APOL3: variants seen among roughly 807,000 people sequenced by gnomAD.
APOL3 encodes the protein apolipoprotein L3.
APOL3 carries 14 observed loss-of-function variants against 11.6 expected under a neutral mutation model. That is an observed-to-expected ratio of 1.21 (90% CI 0.80 to 1.89). The LOEUF is 1.89. APOL3 is among the 40% of genes most tolerant of loss of function. The probability of loss-of-function intolerance (pLI) is 0.00; values close to 1 mark genes in which losing one functional copy is unlikely to be tolerated. For synonymous variants in APOL3, 192 were observed against 190.6 expected (o/e 1.01, Z -0.06); for missense variants, 483 against 492.1 (o/e 0.98, Z 0.17).
At chr22:36,145,741 T>C (rs1282115115) in intron 1 of APOL3, 142 bp from the exon 3 acceptor site, 4 of 971,712 alleles carry the variant, frequency 4.1e-6, no homozygotes, top group African/African-American at 1.6e-5. Flanking sequence ...TGCTATAGAC[T>C]GAGTTGTGTG....
At chr22:36,147,918 C>A (rs370510362) in intron 1 of APOL3, among the ~76,000 whole-genome samples, 1 of 152,272 alleles carries the variant, frequency 6.6e-6, no homozygotes, top group South Asian at 2.1e-4. Context: ...TGGGTGCTTA[C>A]GTTAGGCACA....
chr22:36,164,612 T>G (rs142824933), upstream of APOL3: 7 of 152,354 alleles, frequency 4.6e-5, no homozygotes, highest in East Asian at 1.3e-3. Context: ...AATTCTTCTT[T>G]GTGTTTTATT....
At chr22:36,155,486 C>T (rs1033550871) in intron 1 of APOL3, among the ~76,000 whole-genome samples, 4 of 152,062 alleles carry the variant, frequency 2.6e-5, no homozygotes, top group Admixed American at 2.6e-4. Flanking sequence ...CCCATGCAAC[C>T]ATGGTGACAG....
At chr22:36,151,987 A>AGTGT (rs71322993) in intron 1 of APOL3, among the ~76,000 whole-genome samples, 19,625 of 151,108 alleles carry the variant, frequency 0.13, 1,393 homozygotes, top group Non-Finnish European at 0.16. Flanking sequence ...GAAGAATGTG[A>AGTGT]GTGTGTGTGT....
At chr22:36,164,381 T>C (rs1442093976), upstream of APOL3, among the ~76,000 whole-genome samples, 3 of 152,216 alleles carry the variant, frequency 2.0e-5, no homozygotes, top group Non-Finnish European at 4.4e-5. Context: ...TAAAAGTCTA[T>C]ACCAACAAAC....
upstream of APOL3, among the ~76,000 whole-genome samples, chr22:36,163,380 A>C (rs538648839): frequency 2.0e-5 from 3 of 152,308 alleles, no homozygotes; most frequent in South Asian, 4.1e-4. Flanking sequence ...GAACTCCCCA[A>C]ATCGTCCTCG....
chr22:36,142,120 A>G (rs1035676824), intron 2 of APOL3, 62 bp from the exon 4 acceptor site: 4 of 1,514,768 alleles, frequency 2.6e-6, no homozygotes, highest in Admixed American at 4.2e-5. Flanking sequence ...AATCAGCTCA[A>G]TAAGATCTGT....
At chr22:36,156,769 C>T in intron 1 of APOL3, 1 of 337,930 alleles carries the variant, frequency 3.0e-6, no homozygotes, top group Non-Finnish European at 6.0e-6. Flanking sequence ...CTCTTTGGGC[C>T]TCTGTCTCCC....
chr22:36,144,780 C>T (rs763549330), intron 2 of APOL3, among the ~76,000 whole-genome samples: 6 of 151,966 alleles, frequency 3.9e-5, no homozygotes, highest in African/African-American at 7.3e-5. Context: ...GAGGCCGAGG[C>T]GGGAGGATCA....
exon 3 of APOL3, chr22:36,141,003 ATTCCTGCCTTCTCC>A (rs2059963697): frequency 1.4e-6 from 1 of 714,746 alleles, no homozygotes; most frequent in Non-Finnish European, 2.3e-6. Context: ...AGGCTCCAGC[ATTCCTGCCTTCTCC>A]TTGGTGCACT....
chr22:36,144,213 C>A (rs80579), intron 2 of APOL3, among the ~76,000 whole-genome samples: 83,811 of 151,810 alleles, frequency 0.55, 24,249 homozygotes, highest in Middle Eastern at 0.73. Flanking sequence ...GCCACGTTAC[C>A]TTTCATGCCC....
exon 3 of APOL3, chr22:36,141,434 C>T (rs769384980): frequency 1.1e-5 from 18 of 1,614,044 alleles, no homozygotes; most frequent in East Asian, 2.2e-5. Context: ...TGCCTGCAAT[C>T]GTTCTCTCTG....
At chr22:36,140,974 C>T (rs1264732906) in exon 3 of APOL3, 2 of 589,396 alleles carry the variant, frequency 3.4e-6, no homozygotes, top group African/African-American at 1.9e-5. Flanking sequence ...CTCTCCAGTC[C>T]CCTCTCCTCC....
At chr22:36,145,375 C>T in intron 2 of APOL3, 98 bp downstream of exon 3, 1 of 1,451,010 alleles carries the variant, frequency 6.9e-7, no homozygotes, top group Non-Finnish European at 9.3e-7. Context: ...GCAGAGGGGG[C>T]TGCCTGGAGG....
intron 1 of APOL3, among the ~76,000 whole-genome samples, chr22:36,148,367 T>A (rs1271204612): frequency 6.6e-6 from 1 of 152,142 alleles, no homozygotes; most frequent in Non-Finnish European, 1.5e-5. Flanking sequence ...GGGAACCAAC[T>A]CTTAGGGAGG....
intron 1 of APOL3, 76 bp downstream of exon 2, chr22:36,148,970 C>A: frequency 7.5e-7 from 1 of 1,327,544 alleles, no homozygotes. Flanking sequence ...CTGGGGCTCA[C>A]TGAGTTGTGG....
intron 1 of APOL3, among the ~76,000 whole-genome samples, chr22:36,146,981 A>C (rs2060245352): frequency 6.6e-6 from 1 of 152,146 alleles, no homozygotes; most frequent in Non-Finnish European, 1.5e-5. Context: ...GCGAGGCCTC[A>C]TTCTCATTTC....
upstream of APOL3, among the ~76,000 whole-genome samples, chr22:36,162,520 G>A (rs2013755575): frequency 6.6e-6 from 1 of 152,070 alleles, no homozygotes; most frequent in Non-Finnish European, 1.5e-5. Flanking sequence ...AGATGACATC[G>A]TCCTTTACTC....
chr22:36,149,122 G>C (rs763899964), intron 1 of APOL3: 7 of 1,367,810 alleles, frequency 5.1e-6, no homozygotes, highest in African/African-American at 3.0e-5. Flanking sequence ...TGACTGGAAG[G>C]GTTCGTTTTT....
Sources: allele counts gnomAD v4.1 joint callset (sites outside exome capture counted in the v4.1 genomes callset), GRCh38; gene constraint gnomAD v4.1.1; transcripts MANE v1.5; gene names NCBI Gene and HGNC (gene_info 2026-07-23, HGNC 2026-07-21).